Variants in SCNN1A observed in about 807,000 individuals in gnomAD.
SCNN1A encodes sodium channel epithelial 1 subunit alpha.
A neutral mutation model predicts 68.6 loss-of-function variants in SCNN1A; 65 were observed. The observed-to-expected ratio is 0.95, with a 90% CI of 0.78 to 1.16. SCNN1A has a LOEUF of 1.16. Among genes scored for constraint, SCNN1A ranks in the 50% most tolerant of loss-of-function variants. SCNN1A has a pLI of 0.00. For synonymous variants in SCNN1A, 357 were observed against 353.3 expected (o/e 1.01, Z -0.12); for missense variants, 880 against 865.9 (o/e 1.02, Z -0.20).
intron 8 of SCNN1A, chr12:6,349,724 T>C (rs902572842): frequency 3.8e-6 from 1 of 259,966 alleles, no homozygotes; most frequent in Middle Eastern, 1.5e-3. Flanking sequence ...AAAAAAATTT[T>C]TAATAAATTA....
chr12:6,348,902 C>G, intron 11 of SCNN1A, 48 bp downstream of exon 11: 1 of 1,609,262 alleles, frequency 6.2e-7, no homozygotes, highest in Non-Finnish European at 8.5e-7. Flanking sequence ...GGTCTATTTT[C>G]CCTCCCAAAG....
chr12:6,352,198 A>T lies in SCNN1A; in HGVS notation c.1360+2240T>A, dbSNP rs529168170. Reference sequence around the variant, plus strand: ...AAGCTGTATGCTTTAAATGAGTGAAATGTATGGGATATAAATTATCTCAAT... The same window carrying T: ...AAGCTGTATGCTTTAAATGAGTGAATTGTATGGGATATAAATTATCTCAAT... On this transcript the variant is annotated intron_variant, in intron 8 of 12. Transcript: ENST00000228916. Among the ~76,000 whole-genome samples, 30 of 152,290 alleles carry T rather than the reference A, an allele frequency of 2.0e-4. No individual in the cohort carries two copies. The South Asian group carries it at 2.1e-3, about 11-fold the overall frequency.
chr12:6,370,478 C>G (rs902156430), intron 2 of SCNN1A, among the ~76,000 whole-genome samples: 3 of 152,226 alleles, frequency 2.0e-5, no homozygotes, highest in African/African-American at 7.2e-5. Context: ...TCTTCCCTCC[C>G]TCTTACCCCG....
Position 6,347,785 on chromosome 12 carries a change from A to G in SCNN1A, c.*88T>C, listed in dbSNP as rs1309590812. The G allele has an allele frequency of 1.7e-6, 2 of 1,169,972 alleles. No homozygotes were observed. The highest frequency in any genetic ancestry group is 2.5e-6 in the Non-Finnish European group (2 of 800,490). The allele number at this position is 1,169,972 out of a possible 1,614,324, so 72.5% of individuals were successfully genotyped here. On this transcript the variant is annotated 3_prime_UTR_variant, in exon 13 of 13. Coordinates refer to ENST00000228916, the MANE Select transcript of SCNN1A (RefSeq NM_001038.6). ...GGCAGTTTGGGCGGCTCTGAGAGGA[A>G]GCCCTGCACATCCTTCAATCTTGCC...
Position 6,348,207 on chromosome 12 carries a change from A to G in SCNN1A, c.1676T>C (p.Phe559Ser). Residue 559 changes from phenylalanine to serine, a missense_variant, in exon 13 of 13, where the codon TTC (phenylalanine) becomes TCC (serine). Physicochemically the swap from Phe to Ser is radical, Grantham distance 155. Around this residue, in one of 3 missense-constraint regions of SCNN1A, gnomAD observed 758 missense variants for 721.8 expected, o/e 1.05. Transcript: ENST00000228916. The stretch of plus-strand genomic sequence containing the variant: ...CACCACAGACAACACCGAGGAGCCG[A>G]ACCACAGGCTCCACTGGCTGCCCAG... ...SNLGSQWSLW[F>S]GSSVLSVVEM... The G allele has an allele frequency of 6.2e-7, 1 of 1,614,108 alleles. No homozygotes were observed. The highest frequency in any genetic ancestry group is 8.5e-7 in the Non-Finnish European group (1 of 1,180,018).
intron 12 of SCNN1A, 122 bp from the exon 13 acceptor site, chr12:6,348,375 C>G: frequency 6.4e-7 from 1 of 1,551,506 alleles, no homozygotes; most frequent in Non-Finnish European, 8.7e-7. Context: ...CGAGTCCTCT[C>G]AGCCTCTCAG....
rs952790047 is a variant in SCNN1A, at chr12:6,348,362, C to A, written c.1630-109G>T. ...GCTGTCTCCCTTCATCCCTGAAGAC[C>A]CCCGAGTCCTCTCAGCCTCTCAGCA... On this transcript the variant is annotated intron_variant, in intron 12 of 12. Transcript: ENST00000228916. 6 of 1,577,836 alleles carry A rather than the reference C, an allele frequency of 3.8e-6. No individual in the cohort carries two copies. The East Asian group carries it at 6.9e-5, about 18-fold the overall frequency.
chr12:6,359,595 G>T (rs188206009), intron 4 of SCNN1A, among the ~76,000 whole-genome samples: 1 of 152,146 alleles, frequency 6.6e-6, no homozygotes, highest in East Asian at 1.9e-4. Flanking sequence ...GTTTAAAAGT[G>T]CCTGGTCTCT....
At chr12:6,376,571 A>G (rs930260753), upstream of SCNN1A, among the ~76,000 whole-genome samples, 2 of 152,238 alleles carry the variant, frequency 1.3e-5, no homozygotes, top group African/African-American at 4.8e-5. Flanking sequence ...TGGGAGGAGG[A>G]GAAATTCGTT....
rs72657544 is a variant in SCNN1A at position 6,348,632 on chromosome 12, C to T, written c.1629+95G>A. On this transcript the variant is annotated intron_variant, in intron 12 of 12. Transcript: ENST00000228916. ...CCCTGCCTTTGAGACTCAGAGCCTT[C>T]TGGCCCACAGAGACAACCTTTTGGT... 0.019 allele frequency: 21,350 copies of T among 1,103,656 alleles called. 258 individuals carry two copies. The highest frequency in any genetic ancestry group is 0.025 in the Non-Finnish European group (17,917 of 720,296). The allele number at this position is 1,103,656 out of a possible 1,614,324, so 68.4% of individuals were successfully genotyped here.
At chr12:6,368,814 T>C (rs1387525545) in intron 2 of SCNN1A, among the ~76,000 whole-genome samples, 1 of 152,156 alleles carries the variant, frequency 6.6e-6, no homozygotes, top group African/African-American at 2.4e-5. Context: ...GCCACACACT[T>C]TCTGTCTGTG....
At chr12:6,349,254 C>T (rs1565475401) in intron 9 of SCNN1A, 33 bp from the exon 10 acceptor site, 1 of 1,613,838 alleles carries the variant, frequency 6.2e-7, no homozygotes. Context: ...AGTGTTGGGG[C>T]AGAGCTCTCC....
intron 2 of SCNN1A, among the ~76,000 whole-genome samples, chr12:6,365,812 C>G (rs1400291915): frequency 6.6e-6 from 1 of 152,208 alleles, no homozygotes; most frequent in Non-Finnish European, 1.5e-5. Context: ...AGAAAAATAT[C>G]TAACAAATAA....
chr12:6,351,850 C>G lies in SCNN1A; in HGVS notation c.1361-2445G>C, dbSNP rs900663617. Reference sequence around the variant, plus strand: ...TCATGGCTCACTGCAGCCTTGACCTCCTGGGCTCAGGTGATTCTCCCAGCT... The same window carrying G: ...TCATGGCTCACTGCAGCCTTGACCTGCTGGGCTCAGGTGATTCTCCCAGCT... On this transcript the variant is annotated intron_variant, in intron 8 of 12. Transcript: ENST00000228916. The surrounding 1 kb of genome is among the most constrained non-coding windows in gnomAD (Gnocchi z 4.2). Among the ~76,000 whole-genome samples, 1 of 151,946 alleles carries G rather than the reference C, an allele frequency of 6.6e-6. No homozygotes were observed. Among genetic ancestry groups the G allele is most frequent in the African/African-American group, 2.4e-5 (1 of 41,364 alleles).
chr12:6,371,945 C>T (rs557683309), intron 2 of SCNN1A, among the ~76,000 whole-genome samples: 5 of 152,060 alleles, frequency 3.3e-5, no homozygotes, highest in Admixed American at 2.0e-4. Flanking sequence ...TACAGGCGTG[C>T]GCCACCACAC....
chr12:6,347,999 C>A lies in SCNN1A; in HGVS notation c.1884G>T (p.Gln628His). ...AGGCTGGAGAGGGAGCAGGGCCTGGCTGGGACAAGGACAGAGACATGGGGT... is the reference window on the plus strand; with the variant it reads ...AGGCTGGAGAGGGAGCAGGGCCTGGATGGGACAAGGACAGAGACATGGGGT... ...CPHPMSLSLS[Q>H]PGPAPSPALT... The change falls in exon 13 of 13, where the codon CAG becomes CAT. Residue 628 changes from glutamine to histidine, a missense_variant. By Grantham distance (24) the Gln-to-His change is conservative (BLOSUM62 0). This residue lies in a region of SCNN1A where 758 missense variants were observed against 721.8 expected (regional missense o/e 1.05). Coordinates refer to ENST00000228916, the MANE Select transcript of SCNN1A (RefSeq NM_001038.6). 1 of 1,582,116 alleles carries A rather than the reference C, an allele frequency of 6.3e-7. No homozygotes were observed. Among genetic ancestry groups the A allele is most frequent in the East Asian group, 2.3e-5 (1 of 43,186 alleles).
At position 6,348,752 on chromosome 12, in the gene SCNN1A, G is replaced by C. The variant is rs1324130019; in HGVS notation, c.1604C>G (p.Thr535Ser). ...CGTGACAGAGGGAGACTCAGAATTG[G>C]TTTTGTAGTTCAGCTCCTTGAAGAA... Reference protein sequence around the residue: ...NIFFKELNYKTNSESPSVTMV... With the variant: ...NIFFKELNYKSNSESPSVTMV... The change falls in exon 12 of 13, where the codon ACC becomes AGC. Residue 535 changes from threonine (T) to serine (S), a missense_variant. Coordinates refer to ENST00000228916, the MANE Select transcript of SCNN1A (RefSeq NM_001038.6). 1 of 1,613,706 alleles carries C rather than the reference G, an allele frequency of 6.2e-7. No homozygotes were observed. Among genetic ancestry groups the C allele is most frequent in the South Asian group, 1.1e-5 (1 of 91,022 alleles).
chr12:6,349,386 G>A lies in SCNN1A; in HGVS notation c.1380C>T (p.Leu460=), dbSNP rs1180639457. Residue 460 remains leucine (L), a synonymous_variant, in exon 9 of 13, where the codon CTC becomes CTT. Coordinates refer to ENST00000228916, the MANE Select transcript of SCNN1A (RefSeq NM_001038.6). ...HSSWGYCYYK[L]QVDFSSDHLG... Reference sequence around the variant, plus strand: ...GGTGGTCTGAGGAGAAGTCAACCTGGAGCTTATAGTAGCAGTACCCTGTGG... The same window carrying A: ...GGTGGTCTGAGGAGAAGTCAACCTGAAGCTTATAGTAGCAGTACCCTGTGG... 1 of 1,600,946 alleles carries A rather than the reference G, an allele frequency of 6.2e-7. No homozygotes were observed. The highest frequency in any genetic ancestry group is 8.5e-7 in the Non-Finnish European group (1 of 1,173,318).
At chr12:6,369,304 C>T (rs1225193325) in intron 2 of SCNN1A, among the ~76,000 whole-genome samples, 1 of 137,038 alleles carries the variant, frequency 7.3e-6, no homozygotes, top group Non-Finnish European at 1.7e-5. Flanking sequence ...TCACCTCCCT[C>T]CTGCCACCCT....
Sources: allele counts gnomAD v4.1 joint callset (sites outside exome capture counted in the v4.1 genomes callset), GRCh38; gene constraint gnomAD v4.1.1; regional missense constraint gnomAD v4.1.1; non-coding constraint Gnocchi (gnomAD v3.1); transcripts MANE v1.5; gene names NCBI Gene and HGNC (gene_info 2026-07-23, HGNC 2026-07-21).